The following GPR137C variants were observed in gnomAD, a reference collection of about 807,000 sequenced individuals.
GPR137C encodes the protein integral membrane protein GPR137C.
GPR137C carries 27 observed loss-of-function variants against 43.4 expected under a neutral mutation model. The ratio of observed to expected loss-of-function variants is 0.62; its 90% CI spans 0.46 to 0.86. The LOEUF is 0.86. GPR137C is among the 40% of genes least tolerant of loss of function. The pLI is 0.00. For missense variants in GPR137C, 522 were observed against 534.6 expected (o/e 0.98, Z 0.23); for synonymous variants, 285 against 226.9 (o/e 1.26, Z -2.30).
At chr14:52,570,009 C>T (rs2038439746) in intron 1 of GPR137C, among the ~76,000 whole-genome samples, 1 of 152,136 alleles carries the variant, frequency 6.6e-6, no homozygotes, top group African/African-American at 2.4e-5. Context: ...CACAAAGATA[C>T]TCCACAAGAA....
At chr14:52,598,577 C>G (rs1436359117) in intron 2 of GPR137C, among the ~76,000 whole-genome samples, 1 of 152,036 alleles carries the variant, frequency 6.6e-6, no homozygotes, top group Admixed American at 6.5e-5. Context: ...GCTGCTCTGT[C>G]CCTGCTTCAA....
chr14:52,558,485 G>A (rs982165263), intron 1 of GPR137C, among the ~76,000 whole-genome samples: 2 of 152,134 alleles, frequency 1.3e-5, no homozygotes, highest in Non-Finnish European at 2.9e-5. Flanking sequence ...AGCAGACTGG[G>A]GGGTTTCAGG....
chr14:52,578,495 TTTTG>T (rs2038597012), intron 1 of GPR137C, among the ~76,000 whole-genome samples: 1 of 152,198 alleles, frequency 6.6e-6, no homozygotes, highest in South Asian at 2.1e-4. Context: ...AACATCATGT[TTTTG>T]TTCATGAGCT....
At chr14:52,559,186 C>G (rs2038240549) in intron 1 of GPR137C, among the ~76,000 whole-genome samples, 1 of 152,090 alleles carries the variant, frequency 6.6e-6, no homozygotes, top group African/African-American at 2.4e-5. Context: ...ACCCTCCTGG[C>G]TAACATGGTG....
chr14:52,563,369 A>G (rs1442621836), intron 1 of GPR137C, among the ~76,000 whole-genome samples: 1 of 152,044 alleles, frequency 6.6e-6, no homozygotes, highest in East Asian at 1.9e-4. Flanking sequence ...ACTCACCCAT[A>G]CTACTCTGAG....
chr14:52,569,428 G>A (rs2038429778), intron 1 of GPR137C, among the ~76,000 whole-genome samples: 1 of 151,982 alleles, frequency 6.6e-6, no homozygotes, highest in African/African-American at 2.4e-5. Context: ...GAACAAAACT[G>A]GATGGAGAAT....
intron 1 of GPR137C, among the ~76,000 whole-genome samples, chr14:52,572,522 A>T (rs1372648270): frequency 1.3e-5 from 2 of 152,234 alleles, no homozygotes; most frequent in Admixed American, 6.5e-5. Flanking sequence ...ATAGATGCAG[A>T]AAAGGTCTTT....
At chr14:52,559,568 A>C (rs891091628) in intron 1 of GPR137C, among the ~76,000 whole-genome samples, 1 of 152,052 alleles carries the variant, frequency 6.6e-6, no homozygotes, top group African/African-American at 2.4e-5. Flanking sequence ...AGTCTAATAA[A>C]AAGCATCTTC....
chr14:52,553,645 G>T (rs2038136092), intron 1 of GPR137C, 54 bp downstream of exon 1: 2 of 1,137,920 alleles, frequency 1.8e-6, no homozygotes, highest in East Asian at 3.1e-5. Flanking sequence ...GGGCCGCCGG[G>T]ATCAACTCCC....
chr14:52,557,504 C>A (rs1356735358), intron 1 of GPR137C, among the ~76,000 whole-genome samples: 1 of 152,080 alleles, frequency 6.6e-6, no homozygotes, highest in Non-Finnish European at 1.5e-5. Context: ...TACTGTTTAC[C>A]AGAAATACTG....
At chr14:52,601,556 A>C (rs763849435) in intron 3 of GPR137C, among the ~76,000 whole-genome samples, 11 of 151,898 alleles carry the variant, frequency 7.2e-5, no homozygotes, top group Non-Finnish European at 1.2e-4. Context: ...TCAGACTTTC[A>C]AACTTATTAA....
In GPR137C at chr14:52,632,304, G is replaced by A; in HGVS notation, c.862G>A (p.Asp288Asn). 1 of 1,607,970 alleles carries A rather than the reference G, an allele frequency of 6.2e-7. No individual in the cohort carries two copies. Among genetic ancestry groups the A allele is most frequent in the South Asian group, 1.1e-5 (1 of 90,456 alleles). The change falls in exon 4 of 7, where the codon GAT becomes AAT. Residue 288 changes from aspartate (D) to asparagine (N), a missense_variant. Asp to Asn is a conservative substitution (Grantham distance 23). Transcript: ENST00000321662. ...TAATTATGGCTGGGATAATCTTTCA[G>A]ATAAGGTAAATACCTACCACGTATT... ...PFNYGWDNLS[D>N]KAHVEDISGE...
intron 3 of GPR137C, among the ~76,000 whole-genome samples, chr14:52,601,161 G>C (rs538673712): frequency 3.3e-5 from 5 of 152,214 alleles, no homozygotes; most frequent in African/African-American, 9.6e-5. Flanking sequence ...TTGGGTGTGA[G>C]GGGGTAGATA....
At chr14:52,628,440 G>A (rs1446406322) in intron 3 of GPR137C, among the ~76,000 whole-genome samples, 1 of 152,122 alleles carries the variant, frequency 6.6e-6, no homozygotes, top group Non-Finnish European at 1.5e-5. Flanking sequence ...ATTTCTTAGA[G>A]GGGCAATAAA....
At chr14:52,593,670 G>A (rs1566614637) in intron 1 of GPR137C, among the ~76,000 whole-genome samples, 1 of 152,144 alleles carries the variant, frequency 6.6e-6, no homozygotes, top group Non-Finnish European at 1.5e-5. Context: ...TGGGATCGGC[G>A]ATGATATCCC....
In GPR137C at chr14:52,569,636, G is replaced by A. The variant is rs538423918; in HGVS notation, c.444+16045G>A. Among the ~76,000 whole-genome samples, 638 of 151,684 alleles carry A rather than the reference G, an allele frequency of 4.2e-3. 4 individuals are homozygous for A. The highest frequency in any genetic ancestry group is 0.015 in the African/African-American group (609 of 41,364). On this transcript the variant is annotated intron_variant, in intron 1 of 6. Transcript: ENST00000321662. ...AGCTGAAAAACAGCATGAGAACTTC[G>A]TGAAGCATACACAAGTATCAATAGT... is the stretch of plus-strand genomic sequence containing the variant.
At chr14:52,601,935 C>A (rs2038931213) in intron 3 of GPR137C, among the ~76,000 whole-genome samples, 1 of 151,652 alleles carries the variant, frequency 6.6e-6, no homozygotes, top group Non-Finnish European at 1.5e-5. Flanking sequence ...ATTAGAACAC[C>A]ATTCCCTTAC....
chr14:52,612,041 T>C lies in GPR137C; in HGVS notation c.717+11700T>C, dbSNP rs2039044136. ...TAAACTTTTTTGGTTTTCTTTTGTT[T>C]TTCACTGTTATTTGTCTGTTAACTG... On this transcript the variant is annotated intron_variant, in intron 3 of 6. Coordinates refer to ENST00000321662, the MANE Select transcript of GPR137C (RefSeq NM_001099652.2). 6 of 985,388 alleles carry C rather than the reference T, an allele frequency of 6.1e-6. 1 individual carries two copies. The South Asian group carries it at 2.3e-4, about 39-fold the overall frequency. The allele number at this position is 985,388 out of a possible 1,614,324, so 61.0% of individuals were successfully genotyped here.
At chr14:52,579,112 T>A (rs1232821169) in intron 1 of GPR137C, among the ~76,000 whole-genome samples, 4 of 152,182 alleles carry the variant, frequency 2.6e-5, no homozygotes, top group Admixed American at 6.5e-5. Flanking sequence ...AAAAAAAATA[T>A]TCTAATCTTT....
Sources: gnomAD v4.1 joint callset for allele counts (sites outside exome capture counted in the v4.1 genomes callset) on GRCh38, gnomAD v4.1.1 for gene constraint, MANE v1.5 for transcripts, NCBI Gene and HGNC (gene_info 2026-07-23, HGNC 2026-07-21) for gene names.